Variants in ABAT observed in about 807,000 individuals in gnomAD.
ABAT encodes the protein 4-aminobutyrate aminotransferase.
Under a neutral mutation model 64.6 loss-of-function variants are expected in ABAT, and 45 were observed. That is an observed-to-expected ratio of 0.70 (90% confidence interval 0.55 to 0.89). The LOEUF (loss-of-function observed/expected upper bound fraction) is 0.89, where lower values mean the gene tolerates loss of function less well. ABAT is among the 40% of genes least tolerant of loss of function. ABAT has a pLI of 0.00. For synonymous variants in ABAT, 297 were observed against 250.5 expected, an observed-to-expected ratio of 1.19 and a Z score of -1.75; for missense variants, 633 against 658.4, an observed-to-expected ratio of 0.96 and a Z score of 0.42.
chr16:8,731,817 C>T (rs568705113), intron 1 of ABAT, among the ~76,000 whole-genome samples: 1 of 151,930 alleles, frequency 6.6e-6, no homozygotes, highest in African/African-American at 2.4e-5. Flanking sequence ...TTCCCTTCCC[C>T]CAGCCCTCGG....
At chr16:8,727,567 C>G (rs1455506124) in intron 1 of ABAT, among the ~76,000 whole-genome samples, 1 of 152,166 alleles carries the variant, frequency 6.6e-6, no homozygotes, top group Non-Finnish European at 1.5e-5. Flanking sequence ...TGATTCTGTT[C>G]TATCTTATGC....
intron 1 of ABAT, among the ~76,000 whole-genome samples, chr16:8,691,231 C>T (rs1352050235): frequency 6.6e-6 from 1 of 152,130 alleles, no homozygotes; most frequent in Admixed American, 6.5e-5. Context: ...CCCACAATAA[C>T]CCTTTGATGT....
In ABAT at chr16:8,680,372, A is replaced by G. The variant is rs182702381; in HGVS notation, c.-42+5661A>G. On this transcript the variant is annotated intron_variant, in intron 1 of 15. Coordinates refer to ENST00000268251, the MANE Select transcript of ABAT (RefSeq NM_020686.6). Reference sequence around the variant, plus strand: ...CTGAATGCAGAAAAGTATTTTTTAAATTGGGGTAAAATACACATAACATGA... The same window carrying G: ...CTGAATGCAGAAAAGTATTTTTTAAGTTGGGGTAAAATACACATAACATGA... 4.6e-5 allele frequency among the ~76,000 whole-genome samples: 7 copies of G among 152,284 alleles called. No individual in the cohort carries two copies. The South Asian group carries it at 1.2e-3, about 27-fold the overall frequency.
chr16:8,681,164 T>G (rs1454092987), intron 1 of ABAT, among the ~76,000 whole-genome samples: 1 of 152,036 alleles, frequency 6.6e-6, no homozygotes, highest in Non-Finnish European at 1.5e-5. Flanking sequence ...AAGCATTTTT[T>G]TGTTGTTGTT....
At chr16:8,762,381 A>G (rs904854693) in intron 6 of ABAT, among the ~76,000 whole-genome samples, 3 of 152,196 alleles carry the variant, frequency 2.0e-5, no homozygotes, top group African/African-American at 7.2e-5. Context: ...TCTGTATGCC[A>G]TATCATCTCA....
chr16:8,735,508 G>A (rs917924676), intron 1 of ABAT, among the ~76,000 whole-genome samples, 191 bp from the exon 2 acceptor site: 6 of 152,324 alleles, frequency 3.9e-5, no homozygotes, highest in Admixed American at 1.3e-4. Context: ...GTCTCCCAGT[G>A]TGGCTGAGAT....
chr16:8,783,643 C>A lies in ABAT; in HGVS notation c.*2213C>A, dbSNP rs1472584237. 6.6e-6 allele frequency: 1 copy of A among 152,188 alleles called. No homozygotes were observed. The highest frequency in any genetic ancestry group is 1.5e-5 in the Non-Finnish European group (1 of 68,042). 9.4% of individuals were successfully genotyped at this position (152,188 alleles called of 1,614,324 possible). ...CCTTATTTAACAAGCAAGCAAAATG[C>A]AAACCAAACCATTATTCATTTATTG... On this transcript the variant is annotated 3_prime_UTR_variant, in exon 16 of 16. Coordinates refer to ENST00000268251, the MANE Select transcript of ABAT (RefSeq NM_020686.6).
intron 1 of ABAT, among the ~76,000 whole-genome samples, chr16:8,678,322 A>C (rs1223799394): frequency 1.3e-5 from 2 of 152,158 alleles, no homozygotes; most frequent in African/African-American, 4.8e-5. Context: ...TGGGGTTACA[A>C]GTGTGAGTTA....
chr16:8,688,382 C>G (rs1284298268), intron 1 of ABAT, among the ~76,000 whole-genome samples: 2 of 152,156 alleles, frequency 1.3e-5, no homozygotes, highest in Non-Finnish European at 2.9e-5. Flanking sequence ...CCTAAGTCTC[C>G]AAACATGGGG....
chr16:8,743,666 AAT>A lies in ABAT; in HGVS notation c.71-2332_71-2331del, dbSNP rs1567299456. On this transcript the variant is annotated intron_variant, in intron 2 of 15. Transcript: ENST00000268251. Reference sequence around the variant, plus strand: ...AATATATAATATATATTTTAGTTATAATATGTTATATATTTTAGTTATAATAT... The same window carrying A: ...AATATATAATATATATTTTAGTTATAATGTTATATATTTTAGTTATAATAT... 1.6e-4 allele frequency among the ~76,000 whole-genome samples: 14 copies of A among 87,910 alleles called. No individual in the cohort carries two copies. In the South Asian group the frequency reaches 3.8e-3, roughly 24 times the overall value. The allele number at this position is 87,910 out of a possible 152,430, so 57.7% of individuals were successfully genotyped here.
intron 1 of ABAT, among the ~76,000 whole-genome samples, chr16:8,682,873 G>T (rs1326561098): frequency 6.6e-6 from 1 of 152,192 alleles, no homozygotes; most frequent in Non-Finnish European, 1.5e-5. Flanking sequence ...ACTACAGAAT[G>T]TGAATCTGCG....
At chr16:8,769,271 G>C (rs1177014160) in intron 11 of ABAT, among the ~76,000 whole-genome samples, 1 of 152,144 alleles carries the variant, frequency 6.6e-6, no homozygotes, top group African/African-American at 2.4e-5. Flanking sequence ...AAACAGATCA[G>C]TTGAAAGAAT....
intron 9 of ABAT, among the ~76,000 whole-genome samples, chr16:8,767,220 T>C (rs2059970231): frequency 6.6e-6 from 1 of 152,228 alleles, no homozygotes; most frequent in Non-Finnish European, 1.5e-5. Context: ...GAGTTGCAGC[T>C]GTGCCATTTG....
At position 8,724,731 on chromosome 16, in the gene ABAT, GAAAAAAAAAAAAAAC is replaced by G. The variant is rs1567286722; in HGVS notation, c.-41-10953_-41-10939del. On this transcript the variant is annotated intron_variant, in intron 1 of 15. Coordinates refer to ENST00000268251, the MANE Select transcript of ABAT (RefSeq NM_020686.6). ...GCAATAGAGCCAGACCTTGTCTCAG[GAAAAAAAAAAAAAAC>G]AAAAAAAAAAAAAAAAAAAAAAACA... 2.5e-3 allele frequency among the ~76,000 whole-genome samples: 185 copies of G among 73,180 alleles called. 1 individual carries two copies. Among genetic ancestry groups the G allele is most frequent in the African/African-American group, 7.6e-3 (177 of 23,228 alleles). The allele number at this position is 73,180 out of a possible 152,430, so 48.0% of individuals were successfully genotyped here.
Position 8,772,741 on chromosome 16 carries a change from C to T in ABAT, c.817-39C>T, listed in dbSNP as rs369241583. 24 of 1,613,822 alleles carry T rather than the reference C, an allele frequency of 1.5e-5. No homozygotes were observed. The African/African-American group carries it at 2.4e-4, about 16-fold the overall frequency. On this transcript the variant is annotated intron_variant, in intron 11 of 15. Transcript: ENST00000268251. Reference sequence around the variant, plus strand: ...CCCACCCACGGATACTGGTCACAAGCCTCTGCCATCGGTGGTCACTTTCCC... The same window carrying T: ...CCCACCCACGGATACTGGTCACAAGTCTCTGCCATCGGTGGTCACTTTCCC...
In ABAT at chr16:8,681,359, G is replaced by C. The variant is rs2141910952; in HGVS notation, c.-42+6648G>C. On this transcript the variant is annotated intron_variant, in intron 1 of 15. Transcript: ENST00000268251. ...CTTCATCCACTTAAATATTTGCTCA[G>C]CTCCTGTAGGTCACACACTATCTTG... Among the ~76,000 whole-genome samples, 3 of 151,874 alleles carry C rather than the reference G, an allele frequency of 2.0e-5. 1 individual carries two copies. The South Asian group carries it at 6.2e-4, about 32-fold the overall frequency.
chr16:8,676,499 G>A (rs902740919), intron 1 of ABAT, among the ~76,000 whole-genome samples: 2 of 152,186 alleles, frequency 1.3e-5, no homozygotes, highest in Non-Finnish European at 2.9e-5. Context: ...CCAGGAAGGG[G>A]CAGAGCTGGA....
chr16:8,742,205 C>A (rs553835562), intron 2 of ABAT, among the ~76,000 whole-genome samples: 1 of 152,196 alleles, frequency 6.6e-6, no homozygotes, highest in Non-Finnish European at 1.5e-5. Flanking sequence ...TTGACATGCT[C>A]ATTATCGCAG....
chr16:8,763,266 G>A (rs1253142939), intron 6 of ABAT, among the ~76,000 whole-genome samples: 1 of 152,136 alleles, frequency 6.6e-6, no homozygotes, highest in Non-Finnish European at 1.5e-5. Context: ...TCTTGGCTGT[G>A]TGACTTGGGG....
Sources: allele counts gnomAD v4.1 joint callset (sites outside exome capture counted in the v4.1 genomes callset), GRCh38; gene constraint gnomAD v4.1.1; transcripts MANE v1.5; gene names NCBI Gene and HGNC (gene_info 2026-07-23, HGNC 2026-07-21).